COG6: variants seen among roughly 807,000 people sequenced by gnomAD.
The protein encoded by COG6 is conserved oligomeric Golgi complex subunit 6.
COG6 carries 74 observed loss-of-function variants against 88.8 expected under a neutral mutation model. The ratio of observed to expected loss-of-function variants is 0.83; its 90% CI spans 0.69 to 1.01. The LOEUF (loss-of-function observed/expected upper bound fraction) is 1.01. Among genes scored for constraint, COG6 ranks in the 50% least tolerant of loss-of-function variants. The pLI, the probability that COG6 is intolerant of heterozygous loss-of-function variation, is 0.00. For missense variants in COG6, 800 were observed against 797.9 expected (o/e 1.00, Z -0.03); for synonymous variants, 286 against 278.7 (o/e 1.03, Z -0.26).
chr13:39,733,307 C>T (rs533440812), intron 18 of COG6, among the ~76,000 whole-genome samples: 43 of 151,180 alleles, frequency 2.8e-4, no homozygotes, highest in Admixed American at 1.5e-3. Flanking sequence ...TCTTCTGCCT[C>T]GGCCTCCTGA....
At chr13:39,712,795 A>G (rs1000923000) in intron 13 of COG6, among the ~76,000 whole-genome samples, 1 of 152,228 alleles carries the variant, frequency 6.6e-6, no homozygotes, top group Non-Finnish European at 1.5e-5. Context: ...TTTGGAAGTA[A>G]TGTGGCCATG....
At chr13:39,719,984 G>A (rs1395912102) in intron 15 of COG6, among the ~76,000 whole-genome samples, 157 bp downstream of exon 15, 14 of 117,632 alleles carry the variant, frequency 1.2e-4, no homozygotes, top group East Asian at 2.5e-4. Context: ...CACAACACAC[G>A]CACATACACA....
chr13:39,667,718 CT>C (rs1304530338), intron 4 of COG6, among the ~76,000 whole-genome samples: 1 of 152,004 alleles, frequency 6.6e-6, no homozygotes, highest in Non-Finnish European at 1.5e-5. Context: ...CAGAATCAAG[CT>C]TTTAAGAAAA....
chr13:39,669,647 A>G (rs1875498470), intron 4 of COG6, among the ~76,000 whole-genome samples: 2 of 152,238 alleles, frequency 1.3e-5, no homozygotes, highest in Non-Finnish European at 2.9e-5. Flanking sequence ...AAAAATAAGC[A>G]TTGTATTGGA....
intron 13 of COG6, among the ~76,000 whole-genome samples, chr13:39,713,142 C>A (rs1361858414): frequency 2.6e-5 from 4 of 152,310 alleles, no homozygotes; most frequent in African/African-American, 9.6e-5. Flanking sequence ...CTTACTGATG[C>A]TGACTGGTTT....
intron 18 of COG6, among the ~76,000 whole-genome samples, chr13:39,761,319 G>T (rs1001171422): frequency 6.6e-6 from 1 of 152,008 alleles, no homozygotes; most frequent in South Asian, 2.1e-4. Flanking sequence ...ATATAGAAAT[G>T]GAATTGACTT....
At chr13:39,790,163 A>G (rs1461988515) in exon 19 of COG6, 2 of 152,210 alleles carry the variant, frequency 1.3e-5, no homozygotes, top group Admixed American at 6.5e-5. Context: ...TCTGCAGTCC[A>G]GCTATCTGGG....
chr13:39,743,205 A>G (rs1228721604), intron 18 of COG6, among the ~76,000 whole-genome samples: 1 of 152,236 alleles, frequency 6.6e-6, no homozygotes, highest in Non-Finnish European at 1.5e-5. Context: ...TAGAGAAGCA[A>G]GAGCAAACAA....
intron 18 of COG6, among the ~76,000 whole-genome samples, chr13:39,748,043 A>G (rs1349496396): frequency 6.6e-6 from 1 of 152,074 alleles, no homozygotes; most frequent in Non-Finnish European, 1.5e-5. Context: ...CTGTATTGAG[A>G]TTGAGTATAG....
At chr13:39,716,338 G>A (rs1878528994) in intron 13 of COG6, among the ~76,000 whole-genome samples, 2 of 151,808 alleles carry the variant, frequency 1.3e-5, no homozygotes, top group Admixed American at 1.3e-4. Flanking sequence ...GTTATTGTTT[G>A]CAACGTATAT....
chr13:39,704,995 A>G (rs1235666503), intron 13 of COG6, among the ~76,000 whole-genome samples: 2 of 152,146 alleles, frequency 1.3e-5, no homozygotes, highest in Non-Finnish European at 2.9e-5. Context: ...TTTTGCAAGA[A>G]TATCTTCCTT....
chr13:39,781,766 C>T (rs1428700280), intron 18 of COG6, among the ~76,000 whole-genome samples: 1 of 152,114 alleles, frequency 6.6e-6, no homozygotes, highest in Non-Finnish European at 1.5e-5. Context: ...GGTCACCAGT[C>T]CCAAGTCCCT....
At chr13:39,721,753 A>G (rs1878861709) in intron 15 of COG6, among the ~76,000 whole-genome samples, 1 of 152,100 alleles carries the variant, frequency 6.6e-6, no homozygotes, top group South Asian at 2.1e-4. Flanking sequence ...ACTACCAATA[A>G]CCTATTATTT....
chr13:39,719,580 A>T, intron 14 of COG6, 80 bp from the exon 15 acceptor site: 1 of 1,373,624 alleles, frequency 7.3e-7, no homozygotes, highest in Non-Finnish European at 1.0e-6. Context: ...CCTTCCAATT[A>T]GTTTGGCATT....
intron 18 of COG6, among the ~76,000 whole-genome samples, chr13:39,730,562 T>TC (rs1337096468): frequency 1.3e-5 from 2 of 151,536 alleles, no homozygotes; most frequent in Non-Finnish European, 2.9e-5. Context: ...GATCATGAGG[T>TC]CAGGAGTTCA....
chr13:39,682,744 T>G (rs1382683752), intron 8 of COG6, among the ~76,000 whole-genome samples: 1 of 152,098 alleles, frequency 6.6e-6, no homozygotes, highest in Non-Finnish European at 1.5e-5. Context: ...ACAAGAGCTA[T>G]GTGGTAATGT....
Position 39,727,458 on chromosome 13 carries a change from GT to G in COG6, c.1747-8del, listed in dbSNP as rs1022563018. 1.9e-6 allele frequency: 3 copies of G among 1,599,362 alleles called. No individual in the cohort carries two copies. The African/African-American group carries it at 4.0e-5, about 21-fold the overall frequency. ...TGTACTTTATATTTTGTATTTCTCT[GT>G]TTCATTTAGGTTCAGTTTGATCGTT... On this transcript the variant is annotated splice_polypyrimidine_tract_variant and intron_variant, in intron 17 of 18. Coordinates refer to ENST00000455146, the MANE Select transcript of COG6 (RefSeq NM_020751.3).
chr13:39,738,571 T>C (rs1879888938), intron 18 of COG6, among the ~76,000 whole-genome samples: 1 of 152,118 alleles, frequency 6.6e-6, no homozygotes, highest in Non-Finnish European at 1.5e-5. Flanking sequence ...CTGTACTAAA[T>C]GTGAAAGTAC....
chr13:39,731,115 C>A lies in COG6; in HGVS notation c.1826+3567C>A, dbSNP rs540449270. ...TGGGGTGACAGGCTTGATAGCACTC[C>A]CGGCCTAAAGCAAATTTTTAAATTG... On this transcript the variant is annotated intron_variant, in intron 18 of 18. Coordinates refer to ENST00000455146, the MANE Select transcript of COG6 (RefSeq NM_020751.3). Among the ~76,000 whole-genome samples, 3 of 152,174 alleles carry A rather than the reference C, an allele frequency of 2.0e-5. No individual in the cohort carries two copies. The South Asian group carries it at 6.2e-4, about 32-fold the overall frequency.
Sources: gnomAD v4.1 joint callset for allele counts (sites outside exome capture counted in the v4.1 genomes callset) on GRCh38, gnomAD v4.1.1 for gene constraint, MANE v1.5 for transcripts, NCBI Gene and HGNC (gene_info 2026-07-23, HGNC 2026-07-21) for gene names.